Variants in PHKB observed in about 807,000 individuals in gnomAD.
PHKB encodes phosphorylase kinase regulatory subunit beta.
A neutral mutation model predicts 152.1 loss-of-function variants in PHKB; 122 were observed. The ratio of observed to expected loss-of-function variants is 0.80; its 90% confidence interval spans 0.69 to 0.93. PHKB has a LOEUF of 0.93. Among genes scored for constraint, PHKB ranks in the 40% least tolerant of loss-of-function variants. PHKB has a pLI of 0.00. For missense variants in PHKB, 1,304 were observed against 1,328.4 expected (o/e 0.98, Z 0.29); for synonymous variants, 436 against 464.9 (o/e 0.94, Z 0.80).
intron 6 of PHKB, among the ~76,000 whole-genome samples, chr16:47,523,191 GTT>G (rs1171715310): frequency 6.6e-6 from 1 of 151,990 alleles, no homozygotes; most frequent in African/African-American, 2.4e-5. Flanking sequence ...ACAATTTCTT[GTT>G]TCTTTGCATG....
intron 7 of PHKB, chr16:47,564,970 T>TC (rs1567308177): frequency 1.0e-4 from 25 of 245,964 alleles, no homozygotes; most frequent in Non-Finnish European, 1.8e-4. Flanking sequence ...TTTTTTTTTT[T>TC]TCCCCCAGGA....
At chr16:47,675,817 G>C (rs761487596) in intron 26 of PHKB, 1 of 152,140 alleles carries the variant, frequency 6.6e-6, no homozygotes, top group Non-Finnish European at 1.5e-5. Context: ...AATCCCTTCA[G>C]ACCTACGCCC....
chr16:47,505,560 T>A (rs1163909101), intron 4 of PHKB: 1 of 152,212 alleles, frequency 6.6e-6, no homozygotes, highest in African/African-American at 2.4e-5. Flanking sequence ...GAACATACAG[T>A]AAATATTTGT....
chr16:47,610,709 T>G, intron 13 of PHKB, 117 bp from the exon 14 acceptor site: 2 of 714,724 alleles, frequency 2.8e-6, no homozygotes, highest in South Asian at 1.5e-5. Flanking sequence ...GGATGTTTCA[T>G]GTACACTGAG....
intron 23 of PHKB, among the ~76,000 whole-genome samples, chr16:47,662,669 G>A (rs1711961738): frequency 6.6e-6 from 1 of 152,122 alleles, no homozygotes; most frequent in Non-Finnish European, 1.5e-5. Context: ...CAATTTCTTA[G>A]CTTGTTAAAG....
Position 47,473,070 on chromosome 16 carries a change from G to GT in PHKB, c.76+11649dup, listed in dbSNP as rs1215990132. On this transcript the variant is annotated intron_variant, in intron 1 of 30. Coordinates refer to ENST00000323584, the MANE Select transcript of PHKB (RefSeq NM_000293.3). ...TTTTTTTTTGTTTGTTTGTTTGTTT[G>GT]TTTTTGTTTTTGAGACAGGGTCTTG... 2.0e-5 allele frequency among the ~76,000 whole-genome samples: 3 copies of GT among 150,236 alleles called. No homozygotes were observed. In the East Asian group the frequency reaches 5.9e-4, roughly 30 times the overall value.
At chr16:47,475,407 A>T (rs1333921410) in intron 1 of PHKB, among the ~76,000 whole-genome samples, 1 of 152,154 alleles carries the variant, frequency 6.6e-6, no homozygotes, top group Non-Finnish European at 1.5e-5. Context: ...CAGCCTTATT[A>T]TTTCCTCTGT....
At chr16:47,696,983 C>A (rs946032547) in intron 29 of PHKB, among the ~76,000 whole-genome samples, 4 of 152,216 alleles carry the variant, frequency 2.6e-5, no homozygotes, top group African/African-American at 9.6e-5. Context: ...TTCTAGACAT[C>A]TCTATGTGCA....
chr16:47,692,175 C>G (rs1280922190), intron 27 of PHKB, among the ~76,000 whole-genome samples: 1 of 152,204 alleles, frequency 6.6e-6, no homozygotes, highest in African/African-American at 2.4e-5. Context: ...CATTGGTCCT[C>G]TTTCTCCAGC....
At chr16:47,538,279 A>C (rs1970989215) in intron 6 of PHKB, among the ~76,000 whole-genome samples, 1 of 152,226 alleles carries the variant, frequency 6.6e-6, no homozygotes, top group South Asian at 2.1e-4. Context: ...AAGACCATGA[A>C]ATAGCTAACA....
chr16:47,586,820 A>G (rs16945430), intron 8 of PHKB, among the ~76,000 whole-genome samples: 15,753 of 152,216 alleles, frequency 0.1, 1,662 homozygotes, highest in African/African-American at 0.27. Context: ...AAAGCTGTTG[A>G]ATATGGAATG....
intron 1 of PHKB, among the ~76,000 whole-genome samples, chr16:47,472,717 G>A (rs1427937105): frequency 6.6e-6 from 1 of 152,076 alleles, no homozygotes; most frequent in Non-Finnish European, 1.5e-5. Flanking sequence ...AGGAGGCGGA[G>A]CTTGCAGTGA....
intron 7 of PHKB, chr16:47,565,255 G>A (rs1268482379): frequency 1.4e-6 from 1 of 704,876 alleles, no homozygotes; most frequent in African/African-American, 1.7e-5. Flanking sequence ...CCGTTCAGTG[G>A]TCTTTGTTCC....
chr16:47,472,933 T>TC (rs1456419403), intron 1 of PHKB, among the ~76,000 whole-genome samples: 5 of 152,146 alleles, frequency 3.3e-5, no homozygotes, highest in Non-Finnish European at 7.4e-5. Context: ...AGACCCTGTC[T>TC]CAAAAATAAA....
At chr16:47,665,294 G>GA (rs1320738470) in intron 25 of PHKB, 3 of 319,960 alleles carry the variant, frequency 9.4e-6, no homozygotes, top group Non-Finnish European at 1.8e-5. Context: ...ACTTTTGAGG[G>GA]AAAAAAATTG....
chr16:47,571,882 C>T (rs1301172788), intron 7 of PHKB, among the ~76,000 whole-genome samples: 4 of 152,150 alleles, frequency 2.6e-5, no homozygotes, highest in Non-Finnish European at 5.9e-5. Context: ...TTTCTTTTGT[C>T]CCAAGGGGTG....
chr16:47,564,958 CT>C (rs35858890), intron 7 of PHKB: 16,160 of 207,806 alleles, frequency 0.078, no homozygotes, highest in South Asian at 0.16. Flanking sequence ...GTCTGTGTGT[CT>C]TTTTTTTTTT....
At chr16:47,692,957 G>A (rs1457968988) in intron 27 of PHKB, among the ~76,000 whole-genome samples, 1 of 151,932 alleles carries the variant, frequency 6.6e-6, no homozygotes, top group Non-Finnish European at 1.5e-5. Flanking sequence ...CACCTTTCTG[G>A]GAGAGGTGTA....
At chr16:47,621,962 T>C (rs1391723318) in intron 14 of PHKB, among the ~76,000 whole-genome samples, 1 of 152,206 alleles carries the variant, frequency 6.6e-6, no homozygotes, top group East Asian at 1.9e-4. Flanking sequence ...AACATCATTC[T>C]AATTAACCCA....
Sources: allele counts gnomAD v4.1 joint callset (sites outside exome capture counted in the v4.1 genomes callset), GRCh38; gene constraint gnomAD v4.1.1; transcripts MANE v1.5; gene names NCBI Gene and HGNC (gene_info 2026-07-23, HGNC 2026-07-21).